Variants in ATXN1 observed in about 807,000 individuals in gnomAD.
ATXN1 encodes the protein ataxin 1, also known as ataxin-1.
In ATXN1, 8 loss-of-function variants were observed where a neutral mutation model predicts 56.4. That is an observed-to-expected ratio of 0.14 (90% CI 0.08 to 0.26). The LOEUF (loss-of-function observed/expected upper bound fraction) is 0.26, where lower values mean the gene tolerates loss of function less well. Ranked by LOEUF, ATXN1 falls within the 10% of genes least tolerant of loss-of-function variation. The probability of loss-of-function intolerance (pLI) is 1.00; values close to 1 mark genes in which losing one functional copy is unlikely to be tolerated. For missense variants in ATXN1, 987 were observed against 1,106.5 expected (o/e 0.89, Z 1.53); for synonymous variants, 514 against 494.6 (o/e 1.04, Z -0.52).
At chr6:16,530,557 A>T (rs935876264) in intron 4 of ATXN1, among the ~76,000 whole-genome samples, 3 of 151,406 alleles carry the variant, frequency 2.0e-5, no homozygotes, top group African/African-American at 2.4e-5. Flanking sequence ...CAAAACGACT[A>T]CCCCATCGTT....
intron 3 of ATXN1, among the ~76,000 whole-genome samples, chr6:16,622,181 A>G (rs541729928): frequency 1.3e-5 from 2 of 152,322 alleles, no homozygotes; most frequent in African/African-American, 2.4e-5. Flanking sequence ...AGAAAGACAA[A>G]CAAGTATGTG....
At chr6:16,672,232 C>T (rs1440997845) in intron 2 of ATXN1, among the ~76,000 whole-genome samples, 1 of 152,162 alleles carries the variant, frequency 6.6e-6, no homozygotes, top group African/African-American at 2.4e-5. Flanking sequence ...TGTGTCTTTG[C>T]CAATTTAAAC....
intron 4 of ATXN1, among the ~76,000 whole-genome samples, chr6:16,552,053 C>T (rs760881): frequency 1.3e-5 from 2 of 152,066 alleles, no homozygotes; most frequent in Non-Finnish European, 2.9e-5. Context: ...GGATATGTGT[C>T]GTGGGAGGAC....
At chr6:16,314,986 C>T (rs540210228) in intron 7 of ATXN1, among the ~76,000 whole-genome samples, 3 of 152,102 alleles carry the variant, frequency 2.0e-5, no homozygotes, top group Admixed American at 6.5e-5. Context: ...AAGTATACAC[C>T]GAGCACCTGC....
chr6:16,494,571 C>A (rs925744698), intron 5 of ATXN1, among the ~76,000 whole-genome samples: 2 of 152,170 alleles, frequency 1.3e-5, no homozygotes, highest in East Asian at 3.8e-4. Context: ...AGGATTTATT[C>A]ATACAGAGAC....
chr6:16,572,954 T>C (rs538387448), intron 4 of ATXN1, among the ~76,000 whole-genome samples: 8 of 152,320 alleles, frequency 5.3e-5, no homozygotes, highest in Admixed American at 1.3e-4. Flanking sequence ...AGAGTTTTTA[T>C]GAGTATGGTC....
intron 2 of ATXN1, among the ~76,000 whole-genome samples, chr6:16,668,429 T>G (rs902190095): frequency 1.3e-5 from 2 of 151,570 alleles, no homozygotes; most frequent in African/African-American, 4.9e-5. Context: ...ACGTTGATTT[T>G]ATTTTTAAAC....
chr6:16,398,600 T>C (rs1336065229), intron 6 of ATXN1, among the ~76,000 whole-genome samples: 2 of 152,138 alleles, frequency 1.3e-5, no homozygotes, highest in African/African-American at 2.4e-5. Flanking sequence ...AATACGTGTG[T>C]TTTGTGAGTG....
At chr6:16,399,853 C>T (rs1468461565) in intron 6 of ATXN1, among the ~76,000 whole-genome samples, 1 of 152,168 alleles carries the variant, frequency 6.6e-6, no homozygotes, top group African/African-American at 2.4e-5. Flanking sequence ...ATTCCCTGCT[C>T]TAAAGGGAAG....
At chr6:16,655,812 G>A (rs536634987) in intron 3 of ATXN1, among the ~76,000 whole-genome samples, 20 of 151,790 alleles carry the variant, frequency 1.3e-4, no homozygotes, top group Admixed American at 1.0e-3. Flanking sequence ...ACTGCGGGCC[G>A]GGTGCAGTGG....
intron 2 of ATXN1, among the ~76,000 whole-genome samples, chr6:16,671,486 T>C (rs1758541423): frequency 6.6e-6 from 1 of 152,162 alleles, no homozygotes; most frequent in Non-Finnish European, 1.5e-5. Context: ...ATTTCTGAAG[T>C]GAAACTAATC....
At chr6:16,648,456 T>C (rs1033310756) in intron 3 of ATXN1, among the ~76,000 whole-genome samples, 1 of 152,208 alleles carries the variant, frequency 6.6e-6, no homozygotes, top group Non-Finnish European at 1.5e-5. Flanking sequence ...ATATAGTCAG[T>C]ACCTCCTGAT....
intron 6 of ATXN1, among the ~76,000 whole-genome samples, chr6:16,455,558 C>T (rs113429334): frequency 2.0e-5 from 3 of 151,844 alleles, no homozygotes; most frequent in African/African-American, 4.9e-5. Flanking sequence ...GGCAAGCATG[C>T]TCCTTGGTAT....
intron 5 of ATXN1, among the ~76,000 whole-genome samples, chr6:16,492,741 T>C (rs1760694407): frequency 6.6e-6 from 1 of 152,194 alleles, no homozygotes; most frequent in East Asian, 1.9e-4. Context: ...CCTAAGGCTA[T>C]CTGCTCAGTT....
intron 2 of ATXN1, chr6:16,667,481 A>G (rs951782549): frequency 4.6e-5 from 7 of 152,234 alleles, no homozygotes; most frequent in African/African-American, 1.7e-4. Context: ...CTCACTCACA[A>G]GCCACACGCT....
chr6:16,747,407 G>A lies in ATXN1; in HGVS notation c.-615+5826C>T, dbSNP rs1209497866. ...TAAGTAACTCATCAGAAAATAAAGAGGGAATTACCAAAGGGGAATTGCCAA... is the reference window on the plus strand; with the variant it reads ...TAAGTAACTCATCAGAAAATAAAGAAGGAATTACCAAAGGGGAATTGCCAA... On this transcript the variant is annotated intron_variant, in intron 2 of 7. Coordinates refer to ENST00000436367, the MANE Select transcript of ATXN1 (RefSeq NM_001128164.2). Among the ~76,000 whole-genome samples the A allele has an allele frequency of 3.3e-5, 5 of 152,226 alleles. No individual in the cohort carries two copies. The East Asian group carries it at 7.7e-4, about 24-fold the overall frequency.
chr6:16,616,571 TATATA>T (rs1051199908), intron 3 of ATXN1, among the ~76,000 whole-genome samples: 74 of 145,402 alleles, frequency 5.1e-4, no homozygotes, highest in African/African-American at 1.2e-3. Flanking sequence ...TTATATATAG[TATATA>T]ATATATTTTA....
intron 4 of ATXN1, among the ~76,000 whole-genome samples, chr6:16,523,363 C>T (rs900956013): frequency 2.6e-5 from 4 of 152,170 alleles, no homozygotes; most frequent in African/African-American, 9.7e-5. Context: ...CTGGGATCCT[C>T]CCTCCAAAGT....
At chr6:16,677,617 C>A (rs1758715301) in intron 2 of ATXN1, among the ~76,000 whole-genome samples, 1 of 152,096 alleles carries the variant, frequency 6.6e-6, no homozygotes, top group Non-Finnish European at 1.5e-5. Flanking sequence ...TCATTCACAC[C>A]AGAAAAAGCT....
Sources: gnomAD v4.1 joint callset for allele counts (sites outside exome capture counted in the v4.1 genomes callset) on GRCh38, gnomAD v4.1.1 for gene constraint, MANE v1.5 for transcripts, NCBI Gene and HGNC (gene_info 2026-07-23, HGNC 2026-07-21) for gene names.